Variants in DMP1 observed in about 807,000 individuals in gnomAD.
DMP1 encodes dentin matrix acidic phosphoprotein 1.
Under a neutral mutation model 14.6 loss-of-function variants are expected in DMP1, and 20 were observed. The observed-to-expected ratio is 1.37, with a 90% CI of 0.96 to 1.99. The LOEUF (loss-of-function observed/expected upper bound fraction) is 1.99, where lower values mean the gene tolerates loss of function less well. Ranked by LOEUF, DMP1 falls within the 30% of genes most tolerant of loss-of-function variation. DMP1 has a pLI of 0.00. For synonymous variants in DMP1, 197 were observed against 215.3 expected (o/e 0.91, Z 0.75); for missense variants, 567 against 620.5 (o/e 0.91, Z 0.92).
At chr4:87,659,547 T>C in intron 5 of DMP1, 69 bp downstream of exon 5, 2 of 1,394,868 alleles carry the variant, frequency 1.4e-6, no homozygotes. Flanking sequence ...TTAGATTAAA[T>C]TACCTGGCGA....
At chr4:87,657,275 T>C (rs1218868759) in intron 3 of DMP1, 196 bp downstream of exon 3, 1 of 480,938 alleles carries the variant, frequency 2.1e-6, no homozygotes, top group African/African-American at 1.9e-5. Flanking sequence ...GCATATTTTC[T>C]GTTAGCTTTC....
In DMP1 at chr4:87,654,889, A is replaced by C. The variant is rs1427348635; in HGVS notation, c.-21-1583A>C. On this transcript the variant is annotated intron_variant, in intron 1 of 5. Coordinates refer to ENST00000339673, the MANE Select transcript of DMP1 (RefSeq NM_004407.4). Reference sequence around the variant, plus strand: ...CCTTTGTCCTGAACTTATGAAGGTAAGCTGTTAATTTACATTGTGAGGGTG... The same window carrying C: ...CCTTTGTCCTGAACTTATGAAGGTACGCTGTTAATTTACATTGTGAGGGTG... Among the ~76,000 whole-genome samples, 4 of 152,304 alleles carry C rather than the reference A, an allele frequency of 2.6e-5. No homozygotes were observed. The East Asian group carries it at 5.8e-4, about 22-fold the overall frequency.
At chr4:87,661,299 C>T (rs1039278937) in intron 5 of DMP1, among the ~76,000 whole-genome samples, 1 of 144,714 alleles carries the variant, frequency 6.9e-6, no homozygotes, top group Non-Finnish European at 1.5e-5. Flanking sequence ...CGGCTCACTG[C>T]AGGCTCCGCC....
At position 87,659,217 on chromosome 4, in the gene DMP1, C is replaced by A. The variant is rs778469263; in HGVS notation, c.103-3C>A. On this transcript the variant is annotated splice_region_variant and splice_polypyrimidine_tract_variant and intron_variant, in intron 3 of 5. Transcript: ENST00000339673. The stretch of plus-strand genomic sequence containing the variant: ...TTGTTTTCCTTCCTTTCCTTTTTTG[C>A]AGGGTCATTTGGCTCAGGCACCAAC... The A allele has an allele frequency of 1.9e-6, 3 of 1,613,566 alleles. No homozygotes were observed. The highest frequency in any genetic ancestry group is 2.5e-6 in the Non-Finnish European group (3 of 1,179,792).
chr4:87,650,759 C>T (rs1728512934), intron 1 of DMP1, among the ~76,000 whole-genome samples: 1 of 151,880 alleles, frequency 6.6e-6, no homozygotes, highest in Non-Finnish European at 1.5e-5. Context: ...ATGTTTGCAA[C>T]CTACAAGATT....
At position 87,663,594 on chromosome 4, in the gene DMP1, C is replaced by G; in HGVS notation, c.*274C>G. ...TTTGCAGCTGAGATAGTTCCTAATT[C>G]ATCAACGTAACAAACAAAGCTATTG... On this transcript the variant is annotated 3_prime_UTR_variant, in exon 6 of 6. Coordinates refer to ENST00000339673, the MANE Select transcript of DMP1 (RefSeq NM_004407.4). The G allele has an allele frequency of 2.0e-6, 1 of 498,068 alleles. No individual in the cohort carries two copies. The allele number at this position is 498,068 out of a possible 1,614,324, so 30.9% of individuals were successfully genotyped here.
At chr4:87,658,599 T>C (rs990724996) in intron 3 of DMP1, among the ~76,000 whole-genome samples, 1 of 152,252 alleles carries the variant, frequency 6.6e-6, no homozygotes, top group Non-Finnish European at 1.5e-5. Context: ...GTTTATATCA[T>C]GTTGAATAAA....
intron 1 of DMP1, among the ~76,000 whole-genome samples, chr4:87,651,919 T>C (rs1043266517): frequency 2.6e-5 from 4 of 152,196 alleles, no homozygotes; most frequent in African/African-American, 9.6e-5. Flanking sequence ...AGAAGATATA[T>C]ATTTTACAAA....
chr4:87,656,624 G>C, intron 2 of DMP1, 78 bp downstream of exon 2: 1 of 943,896 alleles, frequency 1.1e-6, no homozygotes, highest in South Asian at 1.3e-5. Flanking sequence ...TATGAACCAA[G>C]ATGGCTGTGT....
rs1310856265 is a variant in DMP1, at chr4:87,656,546, A to G, written c.54A>G (p.Pro18=). The G allele has an allele frequency of 6.3e-7, 1 of 1,598,674 alleles. No individual in the cohort carries two copies. The highest frequency in any genetic ancestry group is 2.2e-5 in the East Asian group (1 of 44,782). ...MFLWGLSCAL[P]VTRYQNNESE... ...TTTGGGGATTATCCTGTGCTCTCCC[A>G]GTAAGTATTAGGGTAGGGATATATG... The change falls in exon 2 of 6, where the codon CCA becomes CCG. Residue 18 remains proline, a splice_region_variant and synonymous_variant. Coordinates refer to ENST00000339673, the MANE Select transcript of DMP1 (RefSeq NM_004407.4).
intron 1 of DMP1, among the ~76,000 whole-genome samples, chr4:87,651,917 T>C (rs1003984027): frequency 1.3e-5 from 2 of 152,202 alleles, no homozygotes; most frequent in African/African-American, 2.4e-5. Flanking sequence ...AAAGAAGATA[T>C]ATATTTTACA....
Position 87,659,625 on chromosome 4 carries a change from G to T in DMP1, c.183+147G>T, listed in dbSNP as rs1728800516. The T allele has an allele frequency of 1.0e-5, 8 of 801,048 alleles. No homozygotes were observed. The Admixed American group carries it at 1.5e-4, about 15-fold the overall frequency. The allele number at this position is 801,048 out of a possible 1,614,324, so 49.6% of individuals were successfully genotyped here. A position where few individuals can be genotyped will look rare whatever the true frequency, so the allele number is the denominator to read the frequency against. The stretch of plus-strand genomic sequence containing the variant: ...TAAAGAGTCCTATAAAGTAAGAAGA[G>T]AAAAATGAGTAAGGAGAATTCACAT... On this transcript the variant is annotated intron_variant, in intron 5 of 5. Coordinates refer to ENST00000339673, the MANE Select transcript of DMP1 (RefSeq NM_004407.4).
At position 87,662,597 on chromosome 4, in the gene DMP1, C is replaced by T; in HGVS notation, c.819C>T (p.Ile273=). 3 of 1,614,118 alleles carry T rather than the reference C, an allele frequency of 1.9e-6. No individual in the cohort carries two copies. Among genetic ancestry groups the T allele is most frequent in the Non-Finnish European group, 2.5e-6 (3 of 1,180,036 alleles). ...PSRKIFRKSR[I]SEEDDRSELD... Reference sequence around the variant, plus strand: ...GGAAAATTTTTAGGAAGTCTCGCATCTCAGAGGAAGATGACAGAAGCGAGC... The same window carrying T: ...GGAAAATTTTTAGGAAGTCTCGCATTTCAGAGGAAGATGACAGAAGCGAGC... Residue 273 remains isoleucine, a synonymous_variant, in exon 6 of 6, where the codon ATC becomes ATT. Coordinates refer to ENST00000339673, the MANE Select transcript of DMP1 (RefSeq NM_004407.4).
At chr4:87,653,758 G>C (rs1215516407) in intron 1 of DMP1, among the ~76,000 whole-genome samples, 1 of 151,956 alleles carries the variant, frequency 6.6e-6, no homozygotes, top group Non-Finnish European at 1.5e-5. Flanking sequence ...ATATATTTAG[G>C]GTTGAGAATC....
chr4:87,655,084 T>C (rs1728646987), intron 1 of DMP1, among the ~76,000 whole-genome samples: 1 of 152,174 alleles, frequency 6.6e-6, no homozygotes, highest in African/African-American at 2.4e-5. Context: ...TCCCTTTGAC[T>C]TAGTGAGTTT....
intron 1 of DMP1, among the ~76,000 whole-genome samples, chr4:87,652,933 T>C (rs776388641): frequency 6.6e-6 from 1 of 152,168 alleles, no homozygotes; most frequent in Non-Finnish European, 1.5e-5. Flanking sequence ...AATATCATAT[T>C]TGAGAAAATT....
chr4:87,659,311 C>T, intron 4 of DMP1, 59 bp downstream of exon 4: 1 of 1,602,610 alleles, frequency 6.2e-7, no homozygotes, highest in East Asian at 2.2e-5. Context: ...AACACTCTTC[C>T]AGTTGCCTTT....
chr4:87,654,039 A>G (rs1307803254), intron 1 of DMP1, among the ~76,000 whole-genome samples: 1 of 152,174 alleles, frequency 6.6e-6, no homozygotes, highest in Non-Finnish European at 1.5e-5. Flanking sequence ...TAGTAGACCA[A>G]GTGGGGTGGC....
At chr4:87,651,710 C>A (rs557641336) in intron 1 of DMP1, among the ~76,000 whole-genome samples, 1 of 152,070 alleles carries the variant, frequency 6.6e-6, no homozygotes, top group Non-Finnish European at 1.5e-5. Flanking sequence ...AAGTGCCTAA[C>A]ACATTGCATG....
Sources: allele counts gnomAD v4.1 joint callset (sites outside exome capture counted in the v4.1 genomes callset), GRCh38; gene constraint gnomAD v4.1.1; transcripts MANE v1.5; gene names NCBI Gene and HGNC (gene_info 2026-07-23, HGNC 2026-07-21).